MRTFB: variants seen among roughly 807,000 people sequenced by gnomAD.
MRTFB encodes the protein myocardin-related transcription factor B.
MRTFB carries 29 observed loss-of-function variants against 104.2 expected under a neutral mutation model. The observed-to-expected ratio is 0.28, with a 90% confidence interval of 0.21 to 0.38. The LOEUF is 0.38. Among genes scored for constraint, MRTFB ranks in the 10% least tolerant of loss-of-function variants. The probability of loss-of-function intolerance (pLI) is 1.00; values close to 1 mark genes in which losing one functional copy is unlikely to be tolerated. For missense variants in MRTFB, 1,270 were observed against 1,341.6 expected (o/e 0.95, Z 0.83); for synonymous variants, 535 against 519.5 (o/e 1.03, Z -0.41).
chr16:14,184,134 A>G (rs2039864257), intron 3 of MRTFB, among the ~76,000 whole-genome samples: 1 of 151,034 alleles, frequency 6.6e-6, no homozygotes, highest in African/African-American at 2.4e-5. Flanking sequence ...TTGCAAAGTA[A>G]TTAAGCATGT....
the MRTFB span, among the ~76,000 whole-genome samples, chr16:13,995,042 GT>G: frequency 6.6e-6 from 1 of 151,954 alleles, no homozygotes. Context: ...TTGGTGTTTG[GT>G]TTTGGATTGG....
the MRTFB span, among the ~76,000 whole-genome samples, chr16:14,040,281 A>G: frequency 3.7e-4 from 57 of 152,200 alleles, no homozygotes; most frequent in Non-Finnish European, 7.1e-4. Flanking sequence ...AGCTTTTATA[A>G]CAATAATAAC....
the MRTFB span, among the ~76,000 whole-genome samples, chr16:14,041,765 A>G: frequency 6.6e-6 from 1 of 151,650 alleles, no homozygotes; most frequent in Non-Finnish European, 1.5e-5. Flanking sequence ...CGTCTCTACT[A>G]AAAATACAAA....
intron 3 of MRTFB, among the ~76,000 whole-genome samples, chr16:14,169,643 C>A (rs972904930): frequency 6.6e-6 from 1 of 152,214 alleles, no homozygotes; most frequent in Admixed American, 6.5e-5. Flanking sequence ...TTTTTAAGAT[C>A]AGTTTTTAGA....
intron 2 of MRTFB, among the ~76,000 whole-genome samples, chr16:14,091,887 C>G (rs1023877675): frequency 2.0e-5 from 3 of 150,316 alleles, no homozygotes; most frequent in Non-Finnish European, 4.4e-5. Context: ...CCCAGCTACT[C>G]AGGGGGCTGA....
chr16:14,061,566 C>CTTTTTTTTTTTTTT, the MRTFB span, among the ~76,000 whole-genome samples: 1 of 102,630 alleles, frequency 9.7e-6, no homozygotes, highest in African/African-American at 3.9e-5. Context: ...TCAAGGTCAT[C>CTTTTTTTTTTTTTT]TTTTTTTTTT....
upstream of MRTFB, among the ~76,000 whole-genome samples, chr16:14,070,367 T>G (rs1052531510): frequency 1.3e-5 from 2 of 151,856 alleles, no homozygotes; most frequent in Non-Finnish European, 2.9e-5. Context: ...TTACAAACAA[T>G]TATTATTTCA....
the MRTFB span, among the ~76,000 whole-genome samples, chr16:14,028,152 G>A: frequency 3.9e-5 from 6 of 151,918 alleles, no homozygotes; most frequent in African/African-American, 1.2e-4. Context: ...ACTCCAGCCT[G>A]GGGCACAGAA....
chr16:14,118,736 C>T (rs79785792), intron 2 of MRTFB, among the ~76,000 whole-genome samples: 1 of 142,900 alleles, frequency 7.0e-6, no homozygotes, highest in Non-Finnish European at 1.5e-5. Context: ...TATATATATA[C>T]ACACATATAT....
chr16:14,118,708 A>G (rs2036675645), intron 2 of MRTFB, among the ~76,000 whole-genome samples: 1 of 151,272 alleles, frequency 6.6e-6, no homozygotes, highest in Non-Finnish European at 1.5e-5. Context: ...ACATATATAT[A>G]TAGTGTAAGT....
At chr16:14,161,281 A>G (rs1032292359) in intron 3 of MRTFB, among the ~76,000 whole-genome samples, 4 of 152,108 alleles carry the variant, frequency 2.6e-5, no homozygotes, top group Admixed American at 2.0e-4. Flanking sequence ...TACTTTAGAC[A>G]GATAGTCTGA....
intron 2 of MRTFB, among the ~76,000 whole-genome samples, chr16:14,087,442 G>A (rs895113638): frequency 6.6e-6 from 1 of 152,120 alleles, no homozygotes; most frequent in Non-Finnish European, 1.5e-5. Flanking sequence ...TGACTGTATT[G>A]CTGCAGAGTC....
the MRTFB span, among the ~76,000 whole-genome samples, chr16:14,003,695 T>C: frequency 7.1e-6 from 1 of 141,468 alleles, no homozygotes; most frequent in South Asian, 2.5e-4. Flanking sequence ...CCTCTACACT[T>C]CTTTCCTTCT....
chr16:14,002,177 G>A, the MRTFB span, among the ~76,000 whole-genome samples: 2 of 152,156 alleles, frequency 1.3e-5, no homozygotes, highest in Non-Finnish European at 2.9e-5. Flanking sequence ...GAGGTCAGGA[G>A]TTCAAGACCA....
intron 3 of MRTFB, among the ~76,000 whole-genome samples, chr16:14,184,779 G>C (rs745557197): frequency 6.6e-6 from 1 of 152,174 alleles, no homozygotes; most frequent in East Asian, 1.9e-4. Flanking sequence ...TTAAAGCCTG[G>C]AGCTGGAGCA....
rs376786724 is a variant in MRTFB, at chr16:14,240,552, A to G, written c.1079+68A>G. The G allele has an allele frequency of 3.7e-6, 6 of 1,610,410 alleles. No homozygotes were observed. The African/African-American group carries it at 5.3e-5, about 14-fold the overall frequency. ...GGTTTTTTATGAGGAACTATAAGTT[A>G]CCAAAAGTTGAATGTTGTCATTTAT... is the stretch of plus-strand genomic sequence containing the variant. On this transcript the variant is annotated intron_variant, in intron 10 of 16. Transcript: ENST00000571589.
chr16:14,054,992 C>T, the MRTFB span, among the ~76,000 whole-genome samples: 5 of 152,224 alleles, frequency 3.3e-5, no homozygotes, highest in African/African-American at 2.4e-5. Context: ...CCCAAAGACC[C>T]TCCACCCAGC....
In MRTFB at chr16:14,246,625, C is replaced by G; in HGVS notation, c.1365C>G (p.Val455=). 1 of 1,614,090 alleles carries G rather than the reference C, an allele frequency of 6.2e-7. No individual in the cohort carries two copies. Among genetic ancestry groups the G allele is most frequent in the South Asian group, 1.1e-5 (1 of 91,080 alleles). Reference sequence around the variant, plus strand: ...TGGCAGTGTCATCATCAGCCATTGTCACCAGTAACCCAGAAGTCACTGTGG... The same window carrying G: ...TGGCAGTGTCATCATCAGCCATTGTGACCAGTAACCCAGAAGTCACTGTGG... ...GIVAVSSSAI[V]TSNPEVTVAL... Residue 455 remains valine (V), a synonymous_variant, in exon 12 of 17, where the codon GTC becomes GTG. Transcript: ENST00000571589.
At chr16:14,054,950 T>G in the MRTFB span, among the ~76,000 whole-genome samples, 2 of 152,168 alleles carry the variant, frequency 1.3e-5, no homozygotes, top group Non-Finnish European at 2.9e-5. Flanking sequence ...AATTTCAGAC[T>G]TAAGGAAAAG....
Sources: allele counts gnomAD v4.1 joint callset (sites outside exome capture counted in the v4.1 genomes callset), GRCh38; gene constraint gnomAD v4.1.1; transcripts MANE v1.5; gene names NCBI Gene and HGNC (gene_info 2026-07-23, HGNC 2026-07-21).